MACROD2: variants seen among roughly 807,000 people sequenced by gnomAD.
MACROD2 encodes the protein mono-ADP ribosylhydrolase 2.
A neutral mutation model predicts 70.4 loss-of-function variants in MACROD2; 36 were observed. The observed-to-expected ratio is 0.51, with a 90% CI of 0.39 to 0.68. MACROD2 has a LOEUF of 0.68. Among genes scored for constraint, MACROD2 ranks in the 30% least tolerant of loss-of-function variants. MACROD2 has a pLI of 0.00. For missense variants in MACROD2, 496 were observed against 538.4 expected (o/e 0.92, Z 0.78); for synonymous variants, 172 against 178.8 (o/e 0.96, Z 0.30).
At chr20:14,241,280 T>TATCTC (rs1174467520) in intron 3 of MACROD2, among the ~76,000 whole-genome samples, 1 of 152,244 alleles carries the variant, frequency 6.6e-6, no homozygotes, top group Non-Finnish European at 1.5e-5. Flanking sequence ...TAAGTGGTTA[T>TATCTC]ATCTCAGCCA....
At chr20:14,126,997 A>G (rs1192531992) in intron 3 of MACROD2, among the ~76,000 whole-genome samples, 1 of 152,204 alleles carries the variant, frequency 6.6e-6, no homozygotes, top group Non-Finnish European at 1.5e-5. Context: ...CATGTCTCTC[A>G]CTTTCAATCA....
chr20:15,175,826 G>A lies in MACROD2; in HGVS notation c.419-54114G>A, dbSNP rs561353755. Among the ~76,000 whole-genome samples the A allele has an allele frequency of 9.2e-5, 14 of 152,334 alleles. 1 individual carries two copies. The South Asian group carries it at 2.9e-3, about 32-fold the overall frequency. ...GGCTGTGTGCTCCATAGAGCCAGTG[G>A]GGGCCAGGAACAGGCGGGAGCCCCA... On this transcript the variant is annotated intron_variant, in intron 5 of 17. Coordinates refer to ENST00000684519, the MANE Select transcript of MACROD2 (RefSeq NM_001351661.2).
intron 3 of MACROD2, among the ~76,000 whole-genome samples, chr20:14,446,919 C>G (rs1449861312): frequency 6.6e-6 from 1 of 152,126 alleles, no homozygotes; most frequent in African/African-American, 2.4e-5. Flanking sequence ...TAAACTGATA[C>G]AACAGAGTGC....
intron 3 of MACROD2, among the ~76,000 whole-genome samples, chr20:14,217,011 C>T (rs1251435825): frequency 6.6e-6 from 1 of 152,066 alleles, no homozygotes; most frequent in Non-Finnish European, 1.5e-5. Context: ...TTTCTCTTGT[C>T]TGACTGCTCT....
intron 4 of MACROD2, among the ~76,000 whole-genome samples, chr20:14,640,664 AT>A (rs1985038455): frequency 6.6e-6 from 1 of 152,214 alleles, no homozygotes; most frequent in South Asian, 2.1e-4. Flanking sequence ...GTAAACAGCA[AT>A]AAAGTAAGTT....
chr20:14,293,961 TA>T (rs1364372364), intron 3 of MACROD2, among the ~76,000 whole-genome samples: 3 of 151,752 alleles, frequency 2.0e-5, no homozygotes, highest in African/African-American at 7.3e-5. Context: ...GAATGAATAT[TA>T]GGTTTGAGTT....
chr20:16,013,768 A>T (rs2147533025), intron 15 of MACROD2, among the ~76,000 whole-genome samples: 1 of 152,318 alleles, frequency 6.6e-6, no homozygotes, highest in African/African-American at 2.4e-5. Context: ...GTGACATTGC[A>T]ATTTACCACC....
intron 2 of MACROD2, among the ~76,000 whole-genome samples, chr20:14,007,414 C>G (rs555695908): frequency 6.6e-6 from 1 of 152,092 alleles, no homozygotes; most frequent in African/African-American, 2.4e-5. Context: ...CTTCCTCCCT[C>G]TCAACATGTA....
At chr20:14,759,013 C>A (rs2123749354) in intron 5 of MACROD2, among the ~76,000 whole-genome samples, 1 of 152,170 alleles carries the variant, frequency 6.6e-6, no homozygotes, top group Admixed American at 6.5e-5. Flanking sequence ...TTTTCAAGTT[C>A]ATATTCAATT....
chr20:14,330,350 A>G (rs2082813481), intron 3 of MACROD2, among the ~76,000 whole-genome samples: 1 of 152,164 alleles, frequency 6.6e-6, no homozygotes, highest in East Asian at 1.9e-4. Context: ...TACTTTGTAT[A>G]TATGTAGGGA....
chr20:14,952,410 G>A (rs917554111), intron 5 of MACROD2, among the ~76,000 whole-genome samples: 1 of 152,154 alleles, frequency 6.6e-6, no homozygotes, highest in African/African-American at 2.4e-5. Context: ...TGCTGAGAAC[G>A]AGGTCTTGAA....
chr20:14,529,442 A>G (rs2123202379), intron 4 of MACROD2, among the ~76,000 whole-genome samples: 1 of 152,304 alleles, frequency 6.6e-6, no homozygotes, highest in Non-Finnish European at 1.5e-5. Flanking sequence ...CTACCTCATT[A>G]CACAGCATTT....
intron 4 of MACROD2, among the ~76,000 whole-genome samples, chr20:14,591,272 C>T (rs1245413319): frequency 7.2e-5 from 11 of 152,108 alleles, no homozygotes; most frequent in Non-Finnish European, 1.0e-4. Flanking sequence ...CATTTTCTCC[C>T]TCATTGCTTT....
chr20:14,272,548 T>A (rs2082206007), intron 3 of MACROD2, among the ~76,000 whole-genome samples: 1 of 149,884 alleles, frequency 6.7e-6, no homozygotes, highest in African/African-American at 2.4e-5. Context: ...ACATGCCAAA[T>A]TGTAAAGACC....
At chr20:14,006,660 T>G (rs2052827066) in intron 2 of MACROD2, among the ~76,000 whole-genome samples, 1 of 152,244 alleles carries the variant, frequency 6.6e-6, no homozygotes, top group South Asian at 2.1e-4. Flanking sequence ...GTCCATATAT[T>G]GCATTTAATT....
chr20:14,430,100 A>G (rs139815345), intron 3 of MACROD2, among the ~76,000 whole-genome samples: 1 of 152,324 alleles, frequency 6.6e-6, no homozygotes, highest in African/African-American at 2.4e-5. Context: ...GCATGAATCA[A>G]GTTGTGCAGA....
chr20:14,673,747 C>T (rs575601218), intron 4 of MACROD2, among the ~76,000 whole-genome samples: 20 of 151,118 alleles, frequency 1.3e-4, no homozygotes, highest in African/African-American at 4.9e-4. Flanking sequence ...GGTAAAACCC[C>T]ATCTTTACTA....
At chr20:14,689,325 ATC>A in intron 5 of MACROD2, among the ~76,000 whole-genome samples, 1 of 152,110 alleles carries the variant, frequency 6.6e-6, no homozygotes, top group African/African-American at 2.4e-5. Flanking sequence ...TTTGTTTCTT[ATC>A]TGTTTCTATC....
intron 8 of MACROD2, among the ~76,000 whole-genome samples, chr20:15,785,993 G>A (rs1264744086): frequency 6.6e-6 from 1 of 152,032 alleles, no homozygotes; most frequent in African/African-American, 2.4e-5. Context: ...TGGTTAACAT[G>A]TTTTATCAAA....
Sources: gnomAD v4.1 joint callset for allele counts (sites outside exome capture counted in the v4.1 genomes callset) on GRCh38, gnomAD v4.1.1 for gene constraint, MANE v1.5 for transcripts, NCBI Gene and HGNC (gene_info 2026-07-23, HGNC 2026-07-21) for gene names.